EXT1: variants seen among roughly 807,000 people sequenced by gnomAD.
EXT1 encodes exostosin glycosyltransferase 1, also known as exostosin-1.
A neutral mutation model predicts 82.5 loss-of-function variants in EXT1; 20 were observed. The ratio of observed to expected loss-of-function variants is 0.24; its 90% confidence interval spans 0.17 to 0.35. The LOEUF (loss-of-function observed/expected upper bound fraction) is 0.35, where lower values mean the gene tolerates loss of function less well. EXT1 is among the 10% of genes least tolerant of loss of function. The pLI is 1.00. For synonymous variants in EXT1, 348 were observed against 350.8 expected, an observed-to-expected ratio of 0.99 and a Z score of 0.09; for missense variants, 757 against 936.5, an observed-to-expected ratio of 0.81 and a Z score of 2.50.
intron 8 of EXT1, among the ~76,000 whole-genome samples, chr8:117,812,649 G>C (rs1453281691): frequency 6.6e-6 from 1 of 152,148 alleles, no homozygotes; most frequent in Non-Finnish European, 1.5e-5. Flanking sequence ...TGCAAATGAG[G>C]AGCCAATTAG....
chr8:118,087,097 C>T (rs1350945060), intron 1 of EXT1, among the ~76,000 whole-genome samples: 2 of 152,140 alleles, frequency 1.3e-5, no homozygotes, highest in African/African-American at 2.4e-5. Flanking sequence ...AGGCTCGTGC[C>T]CAGCGCTGGA....
intron 1 of EXT1, among the ~76,000 whole-genome samples, chr8:118,082,054 G>A (rs575881550): frequency 1.4e-4 from 21 of 152,180 alleles, no homozygotes; most frequent in African/African-American, 1.9e-4. Context: ...CAAGTCCTGC[G>A]GCCACAATCA....
At chr8:117,969,651 T>C (rs1007573053) in intron 1 of EXT1, among the ~76,000 whole-genome samples, 4 of 152,212 alleles carry the variant, frequency 2.6e-5, no homozygotes, top group African/African-American at 9.6e-5. Flanking sequence ...CCTCATGTTG[T>C]GACAGATCTG....
chr8:117,799,997 G>A (rs546488136), intron 10 of EXT1, 100 bp from the exon 11 acceptor site: 4 of 1,296,628 alleles, frequency 3.1e-6, no homozygotes, highest in Non-Finnish European at 4.4e-6. Context: ...AAGCAGCAAA[G>A]CTTGGGGTCT....
At chr8:117,858,844 G>GGAAGGAAGGAAGGAAGGAAA (rs1812627618) in intron 1 of EXT1, among the ~76,000 whole-genome samples, 7 of 85,322 alleles carry the variant, frequency 8.2e-5, no homozygotes, top group Admixed American at 1.2e-4. Flanking sequence ...AAGGAAGGAA[G>GGAAGGAAGGAAGGAAGGAAA]GAAAGAAAGA....
In EXT1 at chr8:117,819,787, C is replaced by T. The variant is rs1442814688; in HGVS notation, c.1425G>A (p.Lys475=). Residue 475 remains lysine (K), a synonymous_variant, in exon 6 of 11, where the codon AAG becomes AAA. Transcript: ENST00000378204. The part of the protein sequence containing the change: ...FPYYYANLGL[K]PPSKFTAVIH... ...TGACTGCAGTGAATTTGGAGGGGGG[C>T]TTTAAACCTGAAATAAAAAGGAGAG... 3.7e-6 allele frequency: 6 copies of T among 1,613,172 alleles called. No individual in the cohort carries two copies. The highest frequency in any genetic ancestry group is 5.1e-6 in the Non-Finnish European group (6 of 1,179,732).
At chr8:117,923,712 C>T (rs1027063022) in intron 1 of EXT1, among the ~76,000 whole-genome samples, 26 of 146,800 alleles carry the variant, frequency 1.8e-4, no homozygotes, top group African/African-American at 5.1e-4. Context: ...GGTGACAGGG[C>T]GAGACTCTGT....
At chr8:118,095,338 A>T (rs73312324) in intron 1 of EXT1, among the ~76,000 whole-genome samples, 6,760 of 152,264 alleles carry the variant, frequency 0.044, 492 homozygotes, top group African/African-American at 0.15. Flanking sequence ...TTAAATTTTA[A>T]CTTATCATAA....
At chr8:117,843,034 T>G (rs368548895) in intron 1 of EXT1, among the ~76,000 whole-genome samples, 11 of 152,296 alleles carry the variant, frequency 7.2e-5, no homozygotes, top group African/African-American at 2.4e-4. Flanking sequence ...GCTGATCTAC[T>G]CCCTCCAGTC....
At chr8:117,867,658 T>A (rs1812797971) in intron 1 of EXT1, among the ~76,000 whole-genome samples, 1 of 151,916 alleles carries the variant, frequency 6.6e-6, no homozygotes, top group South Asian at 2.1e-4. Flanking sequence ...AGACTGTGAC[T>A]CCTTCAGATC....
At chr8:117,939,493 C>T (rs533976243) in intron 1 of EXT1, among the ~76,000 whole-genome samples, 17 of 149,422 alleles carry the variant, frequency 1.1e-4, no homozygotes, top group Non-Finnish European at 2.4e-4. Context: ...CACTTGAACC[C>T]GGGAAGCAGA....
intron 1 of EXT1, among the ~76,000 whole-genome samples, chr8:118,102,936 C>G (rs964342661): frequency 6.6e-6 from 1 of 152,080 alleles, no homozygotes; most frequent in East Asian, 1.9e-4. Context: ...GGGCGGATCA[C>G]CGAAGGTCGG....
chr8:117,876,487 T>C (rs999536711), intron 1 of EXT1, among the ~76,000 whole-genome samples: 3 of 152,224 alleles, frequency 2.0e-5, no homozygotes, highest in Admixed American at 1.3e-4. Flanking sequence ...GTTCCACATA[T>C]GTGGTCCAAT....
At chr8:117,812,826 A>G (rs2129719623) in intron 8 of EXT1, 46 bp downstream of exon 8, 3 of 1,510,480 alleles carry the variant, frequency 2.0e-6, no homozygotes, top group Admixed American at 3.4e-5. Flanking sequence ...ACATGAGGTG[A>G]CTGCCTGAAC....
chr8:117,966,625 G>A (rs1288193690), intron 1 of EXT1, among the ~76,000 whole-genome samples: 6 of 151,960 alleles, frequency 3.9e-5, no homozygotes, highest in Admixed American at 6.6e-5. Context: ...TTTCTTTCCC[G>A]AGGGATTTAT....
rs957259075 is a variant in EXT1 at position 117,867,275 on chromosome 8, C to A, written c.963-30074G>T. Among the ~76,000 whole-genome samples the A allele has an allele frequency of 5.3e-4, 36 of 68,502 alleles. 2 individuals are homozygous for A. The highest frequency in any genetic ancestry group is 2.1e-4 in the African/African-American group (4 of 18,806). 44.9% of individuals were successfully genotyped at this position (68,502 alleles called of 152,430 possible). A position where few individuals can be genotyped will look rare whatever the true frequency, so the allele number is the denominator to read the frequency against. ...CTCCACCTCAGAAAAAAAAAAAAAG[C>A]TTGAGGAAATTTATAGCCCAGGAAA... On this transcript the variant is annotated intron_variant, in intron 1 of 10. Coordinates refer to ENST00000378204, the MANE Select transcript of EXT1 (RefSeq NM_000127.3).
rs1405346511 is a variant in EXT1 at position 118,110,391 on chromosome 8, G to A, written c.656C>T (p.Ala219Val). ...TCGGAAGTTTTCAGTACTGATGCTGGCTTTGGCCAGCATCGCCTGGCCGAT... is the reference window on the plus strand; with the variant it reads ...TCGGAAGTTTTCAGTACTGATGCTGACTTTGGCCAGCATCGCCTGGCCGAT... ...FDIGQAMLAK[A>V]SISTENFRPN... Residue 219 changes from alanine (A) to valine (V), a missense_variant, in exon 1 of 11, where the codon GCC (alanine) becomes GTC (valine). Physicochemically the swap from Ala to Val is moderately conservative, Grantham distance 64. This residue lies in a region of EXT1 where 247 missense variants were observed against 330.1 expected (regional missense o/e 0.75). Transcript: ENST00000378204. 1 of 1,614,158 alleles carries A rather than the reference G, an allele frequency of 6.2e-7. No individual in the cohort carries two copies. Among genetic ancestry groups the A allele is most frequent in the South Asian group, 1.1e-5 (1 of 91,074 alleles).
chr8:118,011,958 C>G (rs2129836682), intron 1 of EXT1, among the ~76,000 whole-genome samples: 1 of 152,312 alleles, frequency 6.6e-6, no homozygotes. Context: ...TGGGAAGCAG[C>G]CGACCACTGG....
At chr8:117,800,749 A>G (rs1005735446) in intron 10 of EXT1, among the ~76,000 whole-genome samples, 1 of 152,238 alleles carries the variant, frequency 6.6e-6, no homozygotes, top group Admixed American at 6.5e-5. Flanking sequence ...AACTCTCGAC[A>G]AATAGAAAAG....
Sources: gnomAD v4.1 joint callset for allele counts (sites outside exome capture counted in the v4.1 genomes callset) on GRCh38, gnomAD v4.1.1 for gene constraint, gnomAD v4.1.1 regional missense constraint, MANE v1.5 for transcripts, NCBI Gene and HGNC (gene_info 2026-07-23, HGNC 2026-07-21) for gene names.